The following RBFOX1 variants were observed in gnomAD, a reference collection of about 807,000 sequenced individuals.
The protein encoded by RBFOX1 is RNA binding fox-1 homolog 1.
In RBFOX1, 8 loss-of-function variants were observed where a neutral mutation model predicts 57.7. The ratio of observed to expected loss-of-function variants is 0.14; its 90% CI spans 0.08 to 0.25. The LOEUF (loss-of-function observed/expected upper bound fraction) is 0.25, where lower values mean the gene tolerates loss of function less well. Ranked by LOEUF, RBFOX1 falls within the 10% of genes least tolerant of loss-of-function variation. The probability of loss-of-function intolerance (pLI) is 1.00; values close to 1 mark genes in which losing one functional copy is unlikely to be tolerated. For synonymous variants in RBFOX1, 326 were observed against 222.4 expected (o/e 1.47, Z -4.15); for missense variants, 611 against 548.5 (o/e 1.11, Z -1.14).
At chr16:5,279,978 A>G (rs575566539) in intron 1 of RBFOX1, among the ~76,000 whole-genome samples, 1 of 152,276 alleles carries the variant, frequency 6.6e-6, no homozygotes, top group Admixed American at 6.5e-5. Flanking sequence ...ACTGTGTTGA[A>G]TAGGAGTGGT....
At chr16:7,349,551 C>A (rs904347411) in intron 4 of RBFOX1, among the ~76,000 whole-genome samples, 1 of 151,694 alleles carries the variant, frequency 6.6e-6, no homozygotes, top group African/African-American at 2.4e-5. Context: ...CAATCAGTAG[C>A]TTACCAGTTA....
intron 3 of RBFOX1, among the ~76,000 whole-genome samples, chr16:7,022,455 C>G (rs188989427): frequency 1.3e-5 from 2 of 152,190 alleles, no homozygotes; most frequent in African/African-American, 4.8e-5. Context: ...CTCTGTCTCT[C>G]TGAGTTTATG....
At chr16:5,726,780 T>A (rs1438129625) in intron 3 of RBFOX1, among the ~76,000 whole-genome samples, 1 of 152,248 alleles carries the variant, frequency 6.6e-6, no homozygotes, top group Non-Finnish European at 1.5e-5. Context: ...ATATTATTGT[T>A]CGCTACATGC....
intron 4 of RBFOX1, among the ~76,000 whole-genome samples, chr16:5,925,908 G>C (rs1052071820): frequency 6.6e-6 from 1 of 152,064 alleles, no homozygotes; most frequent in African/African-American, 2.4e-5. Flanking sequence ...TTCTAAACCT[G>C]ATGGGCCAAG....
intron 4 of RBFOX1, among the ~76,000 whole-genome samples, chr16:7,100,948 G>A (rs1303872579): frequency 6.6e-6 from 1 of 152,114 alleles, no homozygotes; most frequent in Non-Finnish European, 1.5e-5. Context: ...GAAAGTGATT[G>A]TACTTTATAG....
chr16:6,458,770 G>A (rs777553534), intron 2 of RBFOX1, among the ~76,000 whole-genome samples: 2 of 152,206 alleles, frequency 1.3e-5, no homozygotes, highest in South Asian at 2.1e-4. Flanking sequence ...ACAGATATAC[G>A]ACAGAGTTGC....
chr16:5,958,615 A>G (rs1393449332), intron 4 of RBFOX1, among the ~76,000 whole-genome samples: 1 of 152,228 alleles, frequency 6.6e-6, no homozygotes, highest in Non-Finnish European at 1.5e-5. Context: ...TTCTGTTGTA[A>G]CAAATTACCA....
chr16:7,175,787 A>G (rs2081536537), intron 4 of RBFOX1, among the ~76,000 whole-genome samples: 2 of 152,144 alleles, frequency 1.3e-5, no homozygotes, highest in Admixed American at 1.3e-4. Context: ...TCTCAGAGTA[A>G]AGCAAGTCTC....
intron 4 of RBFOX1, among the ~76,000 whole-genome samples, chr16:5,879,328 G>A (rs2057702840): frequency 6.6e-6 from 1 of 152,174 alleles, no homozygotes; most frequent in African/African-American, 2.4e-5. Flanking sequence ...TTTGGACTAG[G>A]TTCTTTCCAG....
At chr16:6,658,936 G>GTTTTTTTT (rs764621530) in intron 3 of RBFOX1, among the ~76,000 whole-genome samples, 1 of 108,484 alleles carries the variant, frequency 9.2e-6, no homozygotes, top group Non-Finnish European at 2.0e-5. Context: ...TGGTTTTTTT[G>GTTTTTTTT]TTTTTTTTGT....
chr16:7,129,421 A>G (rs2069581506), intron 4 of RBFOX1, among the ~76,000 whole-genome samples: 1 of 152,172 alleles, frequency 6.6e-6, no homozygotes. Flanking sequence ...AGTTATTTTC[A>G]GAAGAAGTAA....
chr16:7,441,918 T>C (rs551511660), intron 4 of RBFOX1, among the ~76,000 whole-genome samples: 1 of 152,348 alleles, frequency 6.6e-6, no homozygotes, highest in East Asian at 1.9e-4. Flanking sequence ...TGCCCAGAGA[T>C]GCTGGCAGCC....
intron 3 of RBFOX1, among the ~76,000 whole-genome samples, chr16:6,961,132 C>G (rs192527825): frequency 9.5e-4 from 142 of 148,832 alleles, no homozygotes; most frequent in African/African-American, 3.3e-3. Context: ...AATAGAGACT[C>G]CATCACACAC....
chr16:6,205,796 GA>G (rs2097251392), intron 1 of RBFOX1, among the ~76,000 whole-genome samples: 1 of 135,308 alleles, frequency 7.4e-6, no homozygotes, highest in African/African-American at 3.0e-5. Flanking sequence ...GTTTGTTTAA[GA>G]GAAGACTTTA....
chr16:6,009,816 C>CTCTGTGTGTGTGTGTGTG (rs1555469438), intron 4 of RBFOX1, among the ~76,000 whole-genome samples: 23 of 148,530 alleles, frequency 1.5e-4, no homozygotes, highest in South Asian at 1.5e-3. Context: ...GTGTGTGTGT[C>CTCTGTGTGTGTGTGTGTG]TGTGTGTGTG....
At chr16:6,840,924 C>T (rs1031746871) in intron 3 of RBFOX1, among the ~76,000 whole-genome samples, 2 of 136,958 alleles carry the variant, frequency 1.5e-5, no homozygotes, top group East Asian at 4.8e-4. Context: ...GTTTGAGAGA[C>T]CCCTCACCGC....
chr16:6,594,024 T>A lies in RBFOX1; in HGVS notation c.-63-60579T>A, dbSNP rs556054516. On this transcript the variant is annotated intron_variant, in intron 2 of 15. Transcript: ENST00000550418. Reference sequence around the variant, plus strand: ...GCCCAGTGTTACAGCTTGGACTGAATATTTATTAACTACCCAGGGAACATC... The same window carrying A: ...GCCCAGTGTTACAGCTTGGACTGAAAATTTATTAACTACCCAGGGAACATC... 3.3e-5 allele frequency among the ~76,000 whole-genome samples: 5 copies of A among 152,308 alleles called. No homozygotes were observed. The East Asian group carries it at 9.7e-4, about 29-fold the overall frequency.
chr16:5,818,937 A>G (rs2055746004), intron 3 of RBFOX1, among the ~76,000 whole-genome samples: 1 of 152,110 alleles, frequency 6.6e-6, no homozygotes, highest in South Asian at 2.1e-4. Context: ...CCCTTGTTCC[A>G]TCCTTACAAT....
exon 3 of RBFOX1, chr16:5,600,151 A>C (rs1285490791): frequency 6.7e-6 from 1 of 148,610 alleles, no homozygotes; most frequent in Non-Finnish European, 1.5e-5. Flanking sequence ...AAAAAAAAAA[A>C]TTAGCCAGGC....
Sources: gnomAD v4.1 joint callset for allele counts (sites outside exome capture counted in the v4.1 genomes callset) on GRCh38, gnomAD v4.1.1 for gene constraint, MANE v1.5 for transcripts, NCBI Gene and HGNC (gene_info 2026-07-23, HGNC 2026-07-21) for gene names.